ATP8A1: variants seen among roughly 807,000 people sequenced by gnomAD.
The protein encoded by ATP8A1 is ATPase phospholipid transporting 8A1, also known as phospholipid-transporting ATPase IA.
ATP8A1 carries 90 observed loss-of-function variants against 177.7 expected under a neutral mutation model. The observed-to-expected ratio is 0.51, with a 90% CI of 0.43 to 0.60. The LOEUF (loss-of-function observed/expected upper bound fraction) is 0.60, where lower values mean the gene tolerates loss of function less well. Ranked by LOEUF, ATP8A1 falls within the 20% of genes least tolerant of loss-of-function variation. ATP8A1 has a pLI of 0.00. For missense variants in ATP8A1, 1,072 were observed against 1,392.8 expected, an observed-to-expected ratio of 0.77 and a Z score of 3.67; for synonymous variants, 493 against 485.9, an observed-to-expected ratio of 1.01 and a Z score of -0.19.
At chr4:42,501,951 T>G (rs1285400852) in intron 24 of ATP8A1, among the ~76,000 whole-genome samples, 1 of 152,196 alleles carries the variant, frequency 6.6e-6, no homozygotes. Flanking sequence ...CTGTGATCTT[T>G]AAACTGCTAC....
intron 25 of ATP8A1, among the ~76,000 whole-genome samples, chr4:42,466,887 A>T (rs1719833326): frequency 6.6e-6 from 1 of 152,240 alleles, no homozygotes; most frequent in Non-Finnish European, 1.5e-5. Context: ...ACATTTAGTA[A>T]ATGTCAAAAA....
intron 1 of ATP8A1, among the ~76,000 whole-genome samples, chr4:42,636,943 C>T (rs1275325636): frequency 3.3e-5 from 5 of 152,146 alleles, no homozygotes; most frequent in South Asian, 2.1e-4. Flanking sequence ...TTTCTCTAAG[C>T]GTTTCATGTG....
intron 10 of ATP8A1, among the ~76,000 whole-genome samples, chr4:42,580,857 G>A (rs2109342266): frequency 6.6e-6 from 1 of 152,132 alleles, no homozygotes; most frequent in African/African-American, 2.4e-5. Context: ...AAAGCTGATG[G>A]CAAAAATAGC....
chr4:42,572,837 T>G (rs894671684), intron 14 of ATP8A1, among the ~76,000 whole-genome samples: 3 of 152,206 alleles, frequency 2.0e-5, no homozygotes, highest in Non-Finnish European at 2.9e-5. Context: ...AAAATAGATT[T>G]TCTAGGATTA....
chr4:42,485,464 A>C, intron 25 of ATP8A1, 32 bp downstream of exon 25: 1 of 1,560,846 alleles, frequency 6.4e-7, no homozygotes, highest in Middle Eastern at 1.7e-4. Flanking sequence ...GTCATTCTTT[A>C]CTAAAATCTG....
rs1025757746 is a variant in ATP8A1, at chr4:42,408,556, C to T, written c.*4360G>A. ...GCATCAAACATCAAGATAAACAAAC[C>T]TGAGAAAACTACTATAACCACAGAT... On this transcript the variant is annotated 3_prime_UTR_variant, in exon 37 of 37. Coordinates refer to ENST00000381668, the MANE Select transcript of ATP8A1 (RefSeq NM_006095.2). 6.6e-6 allele frequency: 1 copy of T among 152,088 alleles called. No homozygotes were observed. Among genetic ancestry groups the T allele is most frequent in the Non-Finnish European group, 1.5e-5 (1 of 67,996 alleles). The allele number at this position is 152,088 out of a possible 1,614,324, so 9.4% of individuals were successfully genotyped here.
chr4:42,570,554 G>A lies in ATP8A1; in HGVS notation c.1296-1349C>T, dbSNP rs543702007. Among the ~76,000 whole-genome samples the A allele has an allele frequency of 8.5e-5, 13 of 152,214 alleles. No individual in the cohort carries two copies. The South Asian group carries it at 2.5e-3, about 29-fold the overall frequency. The stretch of plus-strand genomic sequence containing the variant: ...GGGATAAAGTTTCCCAAGTCATGCA[G>A]CTTAAAAGCTCCAGAGCTCAAGTGC... On this transcript the variant is annotated intron_variant, in intron 14 of 36. Transcript: ENST00000381668.
In ATP8A1 at chr4:42,629,804, G is replaced by A. The variant is rs528450274; in HGVS notation, c.50-2695C>T. ...GACTAGCATTTTTGCTAATTTGGAAGTGAGAGTTTGTAACCATTATAATTA... is the reference window on the plus strand; with the variant it reads ...GACTAGCATTTTTGCTAATTTGGAAATGAGAGTTTGTAACCATTATAATTA... On this transcript the variant is annotated intron_variant, in intron 1 of 36. Coordinates refer to ENST00000381668, the MANE Select transcript of ATP8A1 (RefSeq NM_006095.2). 2.6e-5 allele frequency among the ~76,000 whole-genome samples: 4 copies of A among 152,340 alleles called. No homozygotes were observed. The South Asian group carries it at 8.3e-4, about 32-fold the overall frequency.
chr4:42,479,996 TTGTGTGTGTG>T (rs376966152), intron 25 of ATP8A1, among the ~76,000 whole-genome samples: 118 of 135,656 alleles, frequency 8.7e-4, no homozygotes, highest in African/African-American at 2.7e-3. Flanking sequence ...GCAGTTCTGC[TTGTGTGTGTG>T]TGTGTGTGTG....
intron 1 of ATP8A1, among the ~76,000 whole-genome samples, chr4:42,636,156 A>ACACACACGCGCGCGCGCGTGCGCG (rs565139270): frequency 4.4e-5 from 4 of 90,898 alleles, no homozygotes; most frequent in African/African-American, 1.3e-4. Flanking sequence ...ACACACACAC[A>ACACACACGCGCGCGCGCGTGCGCG]CGCACACACA....
chr4:42,473,700 C>A (rs1288960870), intron 25 of ATP8A1, among the ~76,000 whole-genome samples: 2 of 152,072 alleles, frequency 1.3e-5, no homozygotes, highest in Non-Finnish European at 2.9e-5. Flanking sequence ...GGCTGGAATG[C>A]AGTGGCACAA....
rs1158617490 is a variant in ATP8A1, at chr4:42,600,480, T to C, written c.448A>G (p.Lys150Glu). Residue 150 changes from lysine to glutamate, a missense_variant and splice_region_variant, in exon 6 of 37, where the codon AAG (lysine) becomes GAG (glutamate). Transcript: ENST00000381668. Reference sequence around the variant, plus strand: ...ACAAAATAAAAATCAGTGCATACCTTTTCCCAGTGGACAATTTCCCAAGCA... The same window carrying C: ...ACAAAATAAAAATCAGTGCATACCTCTTCCCAGTGGACAATTTCCCAAGCA... ...NGAWEIVHWE[K>E]VAVGEIVKVT... The C allele has an allele frequency of 6.2e-7, 1 of 1,610,848 alleles. No homozygotes were observed. Among genetic ancestry groups the C allele is most frequent in the African/African-American group, 1.3e-5 (1 of 74,738 alleles).
At chr4:42,593,963 T>C (rs1156932411) in intron 6 of ATP8A1, among the ~76,000 whole-genome samples, 5 of 152,012 alleles carry the variant, frequency 3.3e-5, no homozygotes, top group African/African-American at 7.2e-5. Flanking sequence ...AAAATATCAA[T>C]AGAACCCAAT....
At chr4:42,437,314 C>T in intron 33 of ATP8A1, among the ~76,000 whole-genome samples, 1 of 152,138 alleles carries the variant, frequency 6.6e-6, no homozygotes, top group Middle Eastern at 3.2e-3. Context: ...TACTCAGTAA[C>T]ATCATTTAGA....
chr4:42,502,224 T>G (rs192373393), intron 24 of ATP8A1, among the ~76,000 whole-genome samples: 70 of 152,284 alleles, frequency 4.6e-4, no homozygotes, highest in African/African-American at 1.6e-3. Flanking sequence ...AACTTGAGAC[T>G]CCTACCAATG....
intron 24 of ATP8A1, among the ~76,000 whole-genome samples, chr4:42,489,978 G>T (rs374619118): frequency 6.6e-6 from 1 of 152,146 alleles, no homozygotes; most frequent in Non-Finnish European, 1.5e-5. Flanking sequence ...ATTTTCACTC[G>T]TGGGCTGAAA....
chr4:42,578,236 A>G lies in ATP8A1; in HGVS notation c.1128+24T>C, dbSNP rs548711205. The G allele has an allele frequency of 4.1e-5, 64 of 1,565,742 alleles. 1 individual carries two copies. In the South Asian group the frequency reaches 7.0e-4, roughly 17 times the overall value. ...AAGGACAAAATTATTTTGTAGGGTG[A>G]TAACAATCATAATTCATATTTACCC... On this transcript the variant is annotated intron_variant, in intron 12 of 36. Transcript: ENST00000381668.
chr4:42,604,768 A>G (rs1187209760), intron 5 of ATP8A1, among the ~76,000 whole-genome samples: 2 of 152,238 alleles, frequency 1.3e-5, no homozygotes, highest in African/African-American at 4.8e-5. Flanking sequence ...AAGGGTAGAA[A>G]CAACCCACAT....
chr4:42,463,277 G>C (rs1336772232), intron 27 of ATP8A1, among the ~76,000 whole-genome samples: 3 of 152,180 alleles, frequency 2.0e-5, no homozygotes, highest in South Asian at 2.1e-4. Flanking sequence ...GACCCAGTGG[G>C]AGGTAATTGA....
Sources: gnomAD v4.1 joint callset for allele counts (sites outside exome capture counted in the v4.1 genomes callset) on GRCh38, gnomAD v4.1.1 for gene constraint, MANE v1.5 for transcripts, NCBI Gene and HGNC (gene_info 2026-07-23, HGNC 2026-07-21) for gene names.